The following SYNE2 variants were observed in gnomAD, a reference collection of about 807,000 sequenced individuals.
The protein encoded by SYNE2 is nesprin-2.
In SYNE2, 431 loss-of-function variants were observed where a neutral mutation model predicts 856.3. The observed-to-expected ratio is 0.50, with a 90% confidence interval of 0.47 to 0.55. The LOEUF (loss-of-function observed/expected upper bound fraction) is 0.55, where lower values mean the gene tolerates loss of function less well. SYNE2 is among the 20% of genes least tolerant of loss of function. The pLI, the probability that SYNE2 is intolerant of heterozygous loss-of-function variation, is 0.00. For missense variants in SYNE2, 8,129 were observed against 8,023.2 expected (o/e 1.01, Z -0.50); for synonymous variants, 2,923 against 2,872.3 (o/e 1.02, Z -0.56).
chr14:63,960,154 TTGG>T (rs2096291674), intron 8 of SYNE2, among the ~76,000 whole-genome samples: 2 of 152,256 alleles, frequency 1.3e-5, no homozygotes, highest in Admixed American at 6.5e-5. Flanking sequence ...TACGTATCTC[TTGG>T]TGCTTATATC....
At position 64,220,656 on chromosome 14, in the gene SYNE2, C is replaced by T; in HGVS notation, c.20061+19C>T. The T allele has an allele frequency of 1.2e-6, 2 of 1,612,428 alleles. No homozygotes were observed. The highest frequency in any genetic ancestry group is 1.3e-5 in the African/African-American group (1 of 75,030). On this transcript the variant is annotated intron_variant, in intron 111 of 115. Coordinates refer to ENST00000555002, the MANE Select transcript of SYNE2 (RefSeq NM_182914.3). ...GTGCCAGGTACGCTGACTCAGCAGC[C>T]CGCCTCCCAGAGCCGGTACCCAGGC... is the stretch of plus-strand genomic sequence containing the variant.
rs77308530 is a variant in SYNE2 at position 64,009,012 on chromosome 14, G to C, written c.4578-954G>C. Among the ~76,000 whole-genome samples the C allele has an allele frequency of 1.1e-3, 160 of 152,166 alleles. 2 individuals are homozygous for C. The East Asian group carries it at 0.015, about 14-fold the overall frequency. ...TGGGTACACCTCCTGTTTCCTACCG[G>C]AACCTGAGTGTACAGGAGTCAAGAT... On this transcript the variant is annotated intron_variant, in intron 31 of 115. Coordinates refer to ENST00000555002, the MANE Select transcript of SYNE2 (RefSeq NM_182914.3).
chr14:64,044,202 A>C (rs1567139994), intron 45 of SYNE2, among the ~76,000 whole-genome samples: 1 of 152,204 alleles, frequency 6.6e-6, no homozygotes, highest in Non-Finnish European at 1.5e-5. Context: ...TTGCATCAGC[A>C]TGACCTAGAT....
intron 1 of SYNE2, among the ~76,000 whole-genome samples, chr14:63,888,770 T>A (rs1298832152): frequency 6.6e-6 from 1 of 152,238 alleles, no homozygotes; most frequent in East Asian, 1.9e-4. Context: ...TTGTTGTTCT[T>A]TTCCAATGTA....
chr14:64,005,226 A>T (rs1215356188), intron 30 of SYNE2, among the ~76,000 whole-genome samples: 1 of 152,228 alleles, frequency 6.6e-6, no homozygotes, highest in African/African-American at 2.4e-5. Flanking sequence ...CTTGGTTTTC[A>T]TCATAACCTT....
At position 64,209,573 on chromosome 14, in the gene SYNE2, T is replaced by C; in HGVS notation, c.18535T>C (p.Phe6179Leu). ...GAGTGCCAAAGAGGAACTGAAGAGGTTTGAGGTAAACACCTTCTCCATCCC... is the reference window on the plus strand; with the variant it reads ...GAGTGCCAAAGAGGAACTGAAGAGGCTTGAGGTAAACACCTTCTCCATCCC... ...YTSAKEELKR[F>L]EAFQRQIHER... The change falls in exon 102 of 116, where the codon TTT becomes CTT. Residue 6179 changes from phenylalanine (F) to leucine (L), a missense_variant. Phe to Leu is a conservative substitution (Grantham distance 22). This residue lies in a region of SYNE2 where 5,410 missense variants were observed against 5,284.8 expected (regional missense o/e 1.02). Coordinates refer to ENST00000555002, the MANE Select transcript of SYNE2 (RefSeq NM_182914.3). The C allele has an allele frequency of 6.2e-7, 1 of 1,613,746 alleles. No homozygotes were observed. The highest frequency in any genetic ancestry group is 8.5e-7 in the Non-Finnish European group (1 of 1,179,926).
At chr14:63,885,051 C>T (rs946178579) in intron 1 of SYNE2, among the ~76,000 whole-genome samples, 3 of 152,126 alleles carry the variant, frequency 2.0e-5, no homozygotes, top group African/African-American at 7.2e-5. Flanking sequence ...ACTCGGTGCC[C>T]AGCCTCTTGG....
At chr14:64,020,737 C>A (rs2096929996) in intron 35 of SYNE2, among the ~76,000 whole-genome samples, 1 of 152,128 alleles carries the variant, frequency 6.6e-6, no homozygotes, top group Non-Finnish European at 1.5e-5. Context: ...AGAGAGATTG[C>A]CCCAAGTATG....
intron 9 of SYNE2, 102 bp downstream of exon 9, chr14:63,961,727 C>A: frequency 1.2e-6 from 1 of 828,934 alleles, no homozygotes; most frequent in Non-Finnish European, 2.0e-6. Context: ...CTTAAATGTA[C>A]AGTTTAATGA....
chr14:64,065,410 T>C (rs2097351423), intron 50 of SYNE2, 22 bp from the exon 51 acceptor site: 11 of 1,609,216 alleles, frequency 6.8e-6, no homozygotes, highest in Non-Finnish European at 9.4e-6. Context: ...TCCCTCTTAT[T>C]TTTTTTCTTT....
chr14:64,136,289 C>CA (rs34694248), intron 78 of SYNE2, among the ~76,000 whole-genome samples: 5,230 of 57,236 alleles, frequency 0.091, 163 homozygotes, highest in Non-Finnish European at 0.14. Context: ...GACTTCATCT[C>CA]AAAAAAAAAA....
At chr14:63,885,805 A>G (rs1258719274) in intron 1 of SYNE2, among the ~76,000 whole-genome samples, 2 of 152,168 alleles carry the variant, frequency 1.3e-5, no homozygotes, top group Admixed American at 1.3e-4. Flanking sequence ...GCATTCAACA[A>G]TATTCAGCTT....
At position 64,002,779 on chromosome 14, in the gene SYNE2, C is replaced by T; in HGVS notation, c.3846C>T (p.Gly1282=). The T allele has an allele frequency of 6.2e-7, 1 of 1,613,818 alleles. No individual in the cohort carries two copies. The highest frequency in any genetic ancestry group is 8.5e-7 in the Non-Finnish European group (1 of 1,179,938). The change falls in exon 30 of 116, where the codon GGC becomes GGT. Residue 1282 remains glycine, a synonymous_variant. Transcript: ENST00000555002. Reference sequence around the variant, plus strand: ...TATGTAACCGCTTAGAAGAGCCAGGCAACTTTGTATTAAAGGAGTTACACC... The same window carrying T: ...TATGTAACCGCTTAGAAGAGCCAGGTAACTTTGTATTAAAGGAGTTACACC... ...IEICNRLEEP[G]NFVLKELHPF...
chr14:64,184,700 G>A (rs1433159109), intron 96 of SYNE2, among the ~76,000 whole-genome samples: 1 of 152,132 alleles, frequency 6.6e-6, no homozygotes, highest in Non-Finnish European at 1.5e-5. Context: ...GTTCCACTGT[G>A]GAATCTGCTG....
chr14:64,143,881 AG>A lies in SYNE2; in HGVS notation c.15417del (p.Glu5139AspfsTer9). The A allele has an allele frequency of 6.2e-7, 1 of 1,614,156 alleles. No homozygotes were observed. On this transcript the variant is annotated frameshift_variant, in exon 83 of 116. Coordinates refer to ENST00000555002, the MANE Select transcript of SYNE2 (RefSeq NM_182914.3). LOFTEE classifies it high-confidence loss of function. The stretch of plus-strand genomic sequence containing the variant: ...GAAAGCAAGCGCTATGAAAGAACGG[AG>A]TTTGCAGAGCACCTGGGGGAGATGA... ...DVESKRYERT[E>X]FAEHLGEMNR...
intron 33 of SYNE2, 130 bp from the exon 34 acceptor site, chr14:64,017,465 G>A: frequency 4.2e-6 from 3 of 716,562 alleles, no homozygotes; most frequent in South Asian, 1.7e-5. Flanking sequence ...GCAAATTTTT[G>A]TTGATGAATA....
intron 1 of SYNE2, among the ~76,000 whole-genome samples, 162 bp downstream of exon 1, chr14:63,853,305 A>T (rs925971385): frequency 6.6e-6 from 1 of 151,564 alleles, no homozygotes; most frequent in Non-Finnish European, 1.5e-5. Context: ...GCCGGGCCAC[A>T]GGAAACTTTG....
At position 64,031,378 on chromosome 14, in the gene SYNE2, T is replaced by G. The variant is rs779013715; in HGVS notation, c.7221+21T>G. On this transcript the variant is annotated intron_variant, in intron 45 of 115. Coordinates refer to ENST00000555002, the MANE Select transcript of SYNE2 (RefSeq NM_182914.3). Reference sequence around the variant, plus strand: ...ACAAGGTAAGTGCTTGTGATTGCACTTTCAAGACAGTGAGTCTGAGAATGA... The same window carrying G: ...ACAAGGTAAGTGCTTGTGATTGCACGTTCAAGACAGTGAGTCTGAGAATGA... 1.9e-6 allele frequency: 3 copies of G among 1,604,528 alleles called. No homozygotes were observed. The South Asian group carries it at 3.3e-5, about 18-fold the overall frequency.
rs2153537868 is a variant in SYNE2, at chr14:64,024,997, A to G, written c.5926A>G (p.Thr1976Ala). ...WKGMEEPGEK[T>A]ELFCQALARK... is the part of the protein sequence containing the mutation. ...AGGAATGGAAGAACCAGGGGAGAAA[A>G]CTGAGCTGTTCTGCCAAGCTTTAGC... Residue 1976 changes from threonine to alanine, a missense_variant, in exon 40 of 116, where the codon ACT becomes GCT. Physicochemically the swap from Thr to Ala is moderately conservative, Grantham distance 58. Transcript: ENST00000555002. 6.2e-7 allele frequency: 1 copy of G among 1,614,098 alleles called. No individual in the cohort carries two copies. Among genetic ancestry groups the G allele is most frequent in the African/African-American group, 1.3e-5 (1 of 75,060 alleles).
Sources: allele counts gnomAD v4.1 joint callset (sites outside exome capture counted in the v4.1 genomes callset), GRCh38; gene constraint gnomAD v4.1.1; regional missense constraint gnomAD v4.1.1; transcripts MANE v1.5; gene names NCBI Gene and HGNC (gene_info 2026-07-23, HGNC 2026-07-21).